The following TTR variants were observed in gnomAD, a reference collection of about 807,000 sequenced individuals.
The protein encoded by TTR is transthyretin, also known as epididymis luminal protein 111.
A neutral mutation model predicts 13.7 loss-of-function variants in TTR; 8 were observed. That is an observed-to-expected ratio of 0.58 (90% CI 0.34 to 1.05). The LOEUF is 1.05. TTR is among the 50% of genes least tolerant of loss of function. The probability of loss-of-function intolerance (pLI) is 0.02; values close to 1 mark genes in which losing one functional copy is unlikely to be tolerated. For synonymous variants in TTR, 75 were observed against 71.7 expected, an observed-to-expected ratio of 1.05 and a Z score of -0.23; for missense variants, 135 against 185.5, an observed-to-expected ratio of 0.73 and a Z score of 1.58.
intron 3 of TTR, 25 bp from the exon 4 acceptor site, chr18:31,598,543 T>G (rs1324487413): frequency 1.2e-6 from 2 of 1,613,458 alleles, no homozygotes; most frequent in African/African-American, 2.7e-5. Flanking sequence ...CTGGTGGAAA[T>G]GGATCTGTCT....
intron 3 of TTR, among the ~76,000 whole-genome samples, chr18:31,596,371 C>T (rs1380864259): frequency 6.6e-6 from 1 of 152,074 alleles, no homozygotes; most frequent in Non-Finnish European, 1.5e-5. Flanking sequence ...AAGAGAGCCC[C>T]ATCTACCAAG....
At chr18:31,592,327 C>T (rs1328451618) in intron 1 of TTR, among the ~76,000 whole-genome samples, 2 of 152,160 alleles carry the variant, frequency 1.3e-5, no homozygotes, top group African/African-American at 2.4e-5. Context: ...GGACAAACTG[C>T]AGGAGATTAT....
intron 3 of TTR, chr18:31,595,823 C>A: frequency 3.9e-6 from 1 of 259,204 alleles, no homozygotes; most frequent in Non-Finnish European, 7.6e-6. Flanking sequence ...CAGGAATAAG[C>A]CACTGAGGTC....
chr18:31,591,916 G>T lies in TTR; in HGVS notation c.14G>T (p.Arg5Leu). Residue 5 changes from arginine to leucine, a missense_variant, in exon 1 of 4, where the codon CGT (arginine) becomes CTT (leucine). Physicochemically the swap from Arg to Leu is moderately radical, Grantham distance 102. Transcript: ENST00000237014. MASH[R>L]LLLLCLAGLV... Reference sequence around the variant, plus strand: ...ATTCTTGGCAGGATGGCTTCTCATCGTCTGCTCCTCCTCTGCCTTGCTGGA... The same window carrying T: ...ATTCTTGGCAGGATGGCTTCTCATCTTCTGCTCCTCCTCTGCCTTGCTGGA... The T allele has an allele frequency of 6.2e-7, 1 of 1,614,140 alleles. No homozygotes were observed. The highest frequency in any genetic ancestry group is 8.5e-7 in the Non-Finnish European group (1 of 1,180,022).
At chr18:31,595,803 A>G (rs1010876385) in intron 3 of TTR, 4 of 279,112 alleles carry the variant, frequency 1.4e-5, no homozygotes, top group African/African-American at 8.8e-5. Flanking sequence ...TATTTAACCT[A>G]CTTAATCCTC....
intron 3 of TTR, 54 bp from the exon 4 acceptor site, chr18:31,598,514 C>T: frequency 6.4e-7 from 1 of 1,565,288 alleles, no homozygotes; most frequent in Non-Finnish European, 8.8e-7. Context: ...TGTGTGTCAT[C>T]TGTCACGTTT....
At position 31,595,199 on chromosome 18, in the gene TTR, G is replaced by C. The variant is rs730881164; in HGVS notation, c.280G>C (p.Asp94His). 5.9e-5 allele frequency: 95 copies of C among 1,614,050 alleles called. No individual in the cohort carries two copies. Among genetic ancestry groups the C allele is most frequent in the Non-Finnish European group, 7.6e-5 (90 of 1,180,034 alleles). ...AGAAGGGATATACAAAGTGGAAATA[G>C]ACACCAAATCTTACTGGAAGGCACT... The part of the protein sequence containing the change: ...FVEGIYKVEI[D>H]TKSYWKALGI... Residue 94 changes from aspartate to histidine, a missense_variant, in exon 3 of 4, where the codon GAC becomes CAC. Transcript: ENST00000237014.
rs560924346 is a variant in TTR at position 31,592,066 on chromosome 18, A to T, written c.69+95A>T. On this transcript the variant is annotated intron_variant, in intron 1 of 3. Transcript: ENST00000237014. ...CCAGCTTTGCCAACCAGCTTTTATT[A>T]CTAGGGCAAGGGTACCCAGCATCTA... The T allele has an allele frequency of 3.8e-5, 49 of 1,277,204 alleles. No individual in the cohort carries two copies. The Admixed American group carries it at 4.9e-4, about 13-fold the overall frequency. 79.1% of individuals were successfully genotyped at this position (1,277,204 alleles called of 1,614,324 possible).
At chr18:31,597,849 T>G (rs913023241) in intron 3 of TTR, among the ~76,000 whole-genome samples, 1 of 152,196 alleles carries the variant, frequency 6.6e-6, no homozygotes, top group African/African-American at 2.4e-5. Flanking sequence ...ATTTGCCCAG[T>G]TACAAAGCTT....
chr18:31,591,981 T>C lies in TTR; in HGVS notation c.69+10T>C, dbSNP rs1179187406. On this transcript the variant is annotated intron_variant, in intron 1 of 3. Transcript: ENST00000237014. ...TGAGGCTGGCCCTACGGTGAGTGTT[T>C]CTGTGACATCCCATTCCTACATTTA... The C allele has an allele frequency of 1.9e-6, 3 of 1,613,994 alleles. No individual in the cohort carries two copies. The highest frequency in any genetic ancestry group is 2.5e-6 in the Non-Finnish European group (3 of 1,179,868).
rs772568976 is a variant in TTR, at chr18:31,592,961, C to T, written c.135C>T (p.Ala45=). ...KVLDAVRGSP[A]INVAVHVFRK... ...TAGATGCTGTCCGAGGCAGTCCTGC[C>T]ATCAATGTGGCCGTGCATGTGTTCA... is the stretch of plus-strand genomic sequence containing the variant. Residue 45 remains alanine (A), a synonymous_variant, in exon 2 of 4, where the codon GCC becomes GCT. Transcript: ENST00000237014. 6.2e-7 allele frequency: 1 copy of T among 1,614,116 alleles called. No individual in the cohort carries two copies. The highest frequency in any genetic ancestry group is 8.5e-7 in the Non-Finnish European group (1 of 1,179,982).
intron 3 of TTR, among the ~76,000 whole-genome samples, chr18:31,597,824 G>A (rs2073524340): frequency 6.6e-6 from 1 of 152,174 alleles, no homozygotes; most frequent in Non-Finnish European, 1.5e-5. Context: ...ATCTGGAACA[G>A]CATTTTGATC....
At position 31,592,897 on chromosome 18, in the gene TTR, G is replaced by A. The variant is rs1449262220; in HGVS notation, c.71G>A (p.Gly24Asp). 6.2e-7 allele frequency: 1 copy of A among 1,613,800 alleles called. No individual in the cohort carries two copies. The highest frequency in any genetic ancestry group is 8.5e-7 in the Non-Finnish European group (1 of 1,179,826). ...LVFVSEAGPT[G>D]TGESKCPLMV... ...CTCACGTGTCTTCTCTACACCCAGGGCACCGGTGAATCCAAGTGTCCTCTG... is the reference window on the plus strand; with the variant it reads ...CTCACGTGTCTTCTCTACACCCAGGACACCGGTGAATCCAAGTGTCCTCTG... The change falls in exon 2 of 4, where the codon GGC (glycine) becomes GAC (aspartate). Residue 24 changes from glycine to aspartate, a missense_variant and splice_region_variant. Gly to Asp is a moderately conservative substitution (Grantham distance 94). Transcript: ENST00000237014.
chr18:31,596,341 T>C (rs922827746), intron 3 of TTR, among the ~76,000 whole-genome samples: 3 of 152,186 alleles, frequency 2.0e-5, no homozygotes, highest in African/African-American at 7.2e-5. Flanking sequence ...TTGTTTGACT[T>C]CTGGGGCCCA....
chr18:31,595,673 A>G (rs538193272), intron 3 of TTR: 24 of 361,942 alleles, frequency 6.6e-5, no homozygotes, highest in East Asian at 4.4e-4. Context: ...AGGTCTGGAC[A>G]AGTGATTCTT....
Position 31,592,364 on chromosome 18 carries a change from G to A in TTR, c.69+393G>A, listed in dbSNP as rs557213190. Among the ~76,000 whole-genome samples the A allele has an allele frequency of 1.2e-4, 18 of 152,294 alleles. No homozygotes were observed. In the South Asian group the frequency reaches 2.7e-3, roughly 23 times the overall value. The stretch of plus-strand genomic sequence containing the variant: ...TTCTGGCCCTATAGTTATTCAAAAC[G>A]TATTTATTGATTAATCTTTAAAAGG... On this transcript the variant is annotated intron_variant, in intron 1 of 3. Coordinates refer to ENST00000237014, the MANE Select transcript of TTR (RefSeq NM_000371.4).
At chr18:31,597,635 A>G (rs575413276) in intron 3 of TTR, among the ~76,000 whole-genome samples, 1 of 152,318 alleles carries the variant, frequency 6.6e-6, no homozygotes, top group East Asian at 1.9e-4. Context: ...ATTTATGCAG[A>G]GTGTGTCCAA....
chr18:31,594,988 A>C (rs764778023), intron 2 of TTR, 132 bp from the exon 3 acceptor site: 27 of 1,055,680 alleles, frequency 2.6e-5, no homozygotes, highest in Non-Finnish European at 9.9e-6. Context: ...CCTACTTCTG[A>C]CTTAGTTGAG....
chr18:31,595,718 G>A, intron 3 of TTR: 1 of 340,384 alleles, frequency 2.9e-6, no homozygotes, highest in South Asian at 2.4e-5. Context: ...TAAAATCAAA[G>A]TAATAATGGC....
Sources: allele counts gnomAD v4.1 joint callset (sites outside exome capture counted in the v4.1 genomes callset), GRCh38; gene constraint gnomAD v4.1.1; transcripts MANE v1.5; gene names NCBI Gene and HGNC (gene_info 2026-07-23, HGNC 2026-07-21).